The following RERE variants were observed in gnomAD, a reference collection of about 807,000 sequenced individuals.
RERE encodes arginine-glutamic acid dipeptide repeats protein.
A neutral mutation model predicts 146.1 loss-of-function variants in RERE; 40 were observed. That is an observed-to-expected ratio of 0.27 (90% CI 0.21 to 0.36). RERE has a LOEUF of 0.36. RERE is among the 10% of genes least tolerant of loss of function. RERE has a pLI of 1.00. For missense variants in RERE, 1,933 were observed against 2,138.7 expected, an observed-to-expected ratio of 0.90 and a Z score of 1.90; for synonymous variants, 1,003 against 866.0, an observed-to-expected ratio of 1.16 and a Z score of -2.78.
intron 1 of RERE, among the ~76,000 whole-genome samples, chr1:8,690,530 T>G (rs1039528176): frequency 1.3e-5 from 2 of 152,266 alleles, no homozygotes; most frequent in Non-Finnish European, 2.9e-5. Flanking sequence ...GAAAGATAGT[T>G]TGAAAGGATG....
At chr1:8,763,099 CAGA>C (rs1431490452) in intron 1 of RERE, among the ~76,000 whole-genome samples, 1 of 152,050 alleles carries the variant, frequency 6.6e-6, no homozygotes. Context: ...AAAATGAAAA[CAGA>C]AGATTATTTC....
chr1:8,456,550 G>C (rs1644455521), intron 11 of RERE, among the ~76,000 whole-genome samples: 1 of 152,198 alleles, frequency 6.6e-6, no homozygotes, highest in Admixed American at 6.5e-5. Context: ...ACTGTTATGA[G>C]AGATACAATG....
chr1:8,805,420 A>T (rs1027431796), intron 1 of RERE, among the ~76,000 whole-genome samples: 3 of 152,048 alleles, frequency 2.0e-5, no homozygotes, highest in Non-Finnish European at 4.4e-5. Flanking sequence ...AGGCTGAGGC[A>T]GGTGGATCAC....
intron 11 of RERE, 87 bp downstream of exon 11, chr1:8,465,838 C>T (rs1249739541): frequency 4.4e-6 from 5 of 1,128,874 alleles, no homozygotes; most frequent in East Asian, 4.7e-5. Context: ...GAAGCTTCTG[C>T]TTTCCCTGAG....
chr1:8,478,801 C>T (rs891351947), intron 10 of RERE, among the ~76,000 whole-genome samples: 6 of 152,192 alleles, frequency 3.9e-5, no homozygotes, highest in South Asian at 2.1e-4. Context: ...ATGAGCAACA[C>T]CTTCCCTACT....
intron 1 of RERE, among the ~76,000 whole-genome samples, chr1:8,685,449 C>A (rs997055869): frequency 1.2e-4 from 18 of 152,040 alleles, no homozygotes; most frequent in Non-Finnish European, 2.4e-4. Flanking sequence ...AGGCCGGGCG[C>A]GGTGGCTCAC....
intron 2 of RERE, among the ~76,000 whole-genome samples, chr1:8,649,826 A>G (rs1647521278): frequency 1.3e-5 from 2 of 152,126 alleles, no homozygotes; most frequent in South Asian, 4.1e-4. Flanking sequence ...GTGGGGGAAA[A>G]TAAGAATTGC....
intron 1 of RERE, among the ~76,000 whole-genome samples, chr1:8,677,296 G>C (rs1009573953): frequency 5.3e-5 from 8 of 152,032 alleles, no homozygotes; most frequent in African/African-American, 1.2e-4. Flanking sequence ...AGGCGTGGTG[G>C]CACGTGCCTG....
At chr1:8,719,369 CCCT>C (rs1639820231) in intron 1 of RERE, among the ~76,000 whole-genome samples, 1 of 152,088 alleles carries the variant, frequency 6.6e-6, no homozygotes, top group Non-Finnish European at 1.5e-5. Flanking sequence ...AGTAATCCAC[CCCT>C]AAATGACTCA....
chr1:8,415,554 T>C (rs1271399398), intron 12 of RERE, among the ~76,000 whole-genome samples: 2 of 152,208 alleles, frequency 1.3e-5, no homozygotes, highest in Non-Finnish European at 2.9e-5. Flanking sequence ...AACGCCAAGG[T>C]CAGGCTGTTT....
chr1:8,397,345 C>A (rs926867032), intron 12 of RERE, among the ~76,000 whole-genome samples: 1 of 145,620 alleles, frequency 6.9e-6, no homozygotes, highest in Non-Finnish European at 1.5e-5. Flanking sequence ...CTGCCTTATT[C>A]GACTTTCACT....
chr1:8,655,851 T>C, intron 2 of RERE, 122 bp downstream of exon 2: 1 of 1,496,282 alleles, frequency 6.7e-7, no homozygotes, highest in South Asian at 1.4e-5. Context: ...CCAAATTAAG[T>C]TTCCTACTCT....
At chr1:8,592,080 A>G (rs1193211385) in intron 4 of RERE, among the ~76,000 whole-genome samples, 8 of 152,234 alleles carry the variant, frequency 5.3e-5, no homozygotes, top group East Asian at 1.9e-4. Flanking sequence ...GACATTTTAC[A>G]GTACTTCCCT....
chr1:8,718,735 G>A (rs1181846996), intron 1 of RERE, among the ~76,000 whole-genome samples: 2 of 152,122 alleles, frequency 1.3e-5, no homozygotes, highest in African/African-American at 2.4e-5. Context: ...AGATGGCCAG[G>A]GTTCTCCTAA....
At chr1:8,695,750 A>C (rs1350440336) in intron 1 of RERE, among the ~76,000 whole-genome samples, 1 of 151,946 alleles carries the variant, frequency 6.6e-6, no homozygotes, top group Non-Finnish European at 1.5e-5. Flanking sequence ...ACAGGGTGAG[A>C]CTCCAACTCA....
At chr1:8,512,471 G>A (rs1024265036) in intron 7 of RERE, among the ~76,000 whole-genome samples, 4 of 151,874 alleles carry the variant, frequency 2.6e-5, no homozygotes, top group African/African-American at 9.7e-5. Flanking sequence ...GGTGGTCCCA[G>A]AATCTGTCTC....
intron 1 of RERE, among the ~76,000 whole-genome samples, chr1:8,801,173 T>C (rs764774354): frequency 6.7e-5 from 10 of 148,448 alleles, no homozygotes; most frequent in Admixed American, 1.3e-4. Flanking sequence ...GATGGGAAGA[T>C]CGCTTGAGCC....
chr1:8,576,557 T>A (rs1252525668), intron 4 of RERE, among the ~76,000 whole-genome samples: 1 of 152,160 alleles, frequency 6.6e-6, no homozygotes, highest in Non-Finnish European at 1.5e-5. Context: ...CTAAAAAAAA[T>A]TAAGTTGTAT....
chr1:8,607,673 G>A (rs1646737913), intron 4 of RERE, among the ~76,000 whole-genome samples: 1 of 143,144 alleles, frequency 7.0e-6, no homozygotes, highest in African/African-American at 2.6e-5. Context: ...AGCCTCCCAA[G>A]TAGCTGGTAC....
Sources: gnomAD v4.1 joint callset for allele counts (sites outside exome capture counted in the v4.1 genomes callset) on GRCh38, gnomAD v4.1.1 for gene constraint, MANE v1.5 for transcripts, NCBI Gene and HGNC (gene_info 2026-07-23, HGNC 2026-07-21) for gene names.